Variants in DACH2 observed in about 807,000 individuals in gnomAD.
DACH2 encodes dachshund family transcription factor 2.
A neutral mutation model predicts 35.8 loss-of-function variants in DACH2; 17 were observed. The ratio of observed to expected loss-of-function variants is 0.48; its 90% confidence interval spans 0.33 to 0.71. The LOEUF (loss-of-function observed/expected upper bound fraction) is 0.71, where lower values mean the gene tolerates loss of function less well. Ranked by LOEUF, DACH2 falls within the 30% of genes least tolerant of loss-of-function variation. DACH2 has a pLI of 0.02. For synonymous variants in DACH2, 195 were observed against 177.3 expected, an observed-to-expected ratio of 1.10 and a Z score of -0.79; for missense variants, 469 against 472.7, an observed-to-expected ratio of 0.99 and a Z score of 0.07.
chrX:86,570,581 C>T (rs1453590228), intron 3 of DACH2, among the ~76,000 whole-genome samples: 1 of 110,045 alleles, frequency 9.1e-6, no homozygotes, highest in Non-Finnish European at 1.9e-5. Context: ...CACACTGGGG[C>T]CTGTTGGGGG....
intron 2 of DACH2, among the ~76,000 whole-genome samples, chrX:86,472,207 G>A (rs754319788): frequency 1.3e-4 from 15 of 111,483 alleles, no homozygotes; most frequent in Non-Finnish European, 2.3e-4. Context: ...TGTCTGGGTT[G>A]GCCCTTTGTA....
intron 3 of DACH2, among the ~76,000 whole-genome samples, chrX:86,589,977 A>T (rs1350695870): frequency 1.8e-5 from 2 of 111,822 alleles, no homozygotes; most frequent in Non-Finnish European, 3.8e-5. Flanking sequence ...GTATTGAAAG[A>T]TCAAAGAGAG....
chrX:86,337,005 A>C (rs1479302200), intron 1 of DACH2, among the ~76,000 whole-genome samples: 4 of 109,348 alleles, frequency 3.7e-5, no homozygotes, highest in African/African-American at 1.3e-4. Context: ...AATGAAATAA[A>C]GTGAGAAGAC....
intron 1 of DACH2, among the ~76,000 whole-genome samples, chrX:86,300,249 C>T (rs1277906154): frequency 9.0e-6 from 1 of 111,272 alleles, no homozygotes; most frequent in Non-Finnish European, 1.9e-5. Context: ...AAAAAAATTG[C>T]ATAATAGTGC....
intron 3 of DACH2, among the ~76,000 whole-genome samples, chrX:86,650,097 T>A (rs2040460969): frequency 9.0e-6 from 1 of 110,965 alleles, no homozygotes; most frequent in African/African-American, 3.3e-5. Context: ...TTTCCTTATA[T>A]ATGGTTGTGT....
chrX:86,776,762 A>G lies in DACH2; in HGVS notation c.1241-36094A>G, dbSNP rs987505320. Among the ~76,000 whole-genome samples the G allele has an allele frequency of 3.6e-5, 4 of 110,415 alleles. No individual in the cohort carries two copies. The Admixed American group carries it at 3.9e-4, about 11-fold the overall frequency. ...ATCCCTCCACCCCACAACAGGGCCC[A>G]GTGTGTGATGTTCCCCTTCCTGTGT... On this transcript the variant is annotated intron_variant, in intron 7 of 11. Coordinates refer to ENST00000373125, the MANE Select transcript of DACH2 (RefSeq NM_053281.3).
At chrX:86,433,249 C>T (rs191525470) in intron 2 of DACH2, among the ~76,000 whole-genome samples, 14 of 111,830 alleles carry the variant, frequency 1.3e-4, no homozygotes, top group Admixed American at 6.7e-4. Context: ...GAAGAAATAA[C>T]GTCAACCCTC....
chrX:86,547,167 T>G (rs1012775203), intron 3 of DACH2, among the ~76,000 whole-genome samples: 1 of 111,429 alleles, frequency 9.0e-6, no homozygotes, highest in South Asian at 3.8e-4. Context: ...CCCTTTGACA[T>G]GTCAGAGAGA....
intron 5 of DACH2, among the ~76,000 whole-genome samples, chrX:86,697,320 G>A (rs1205185821): frequency 6.3e-5 from 7 of 111,282 alleles, no homozygotes; most frequent in African/African-American, 2.0e-4. Context: ...AAGGAGGAGA[G>A]AAACAAGACT....
intron 2 of DACH2, among the ~76,000 whole-genome samples, chrX:86,450,535 A>C (rs1194896840): frequency 1.8e-5 from 2 of 111,117 alleles, no homozygotes; most frequent in Non-Finnish European, 3.8e-5. Flanking sequence ...ATGAACATAC[A>C]CATGCATGTA....
At chrX:86,312,605 G>T (rs1314993349) in intron 1 of DACH2, among the ~76,000 whole-genome samples, 7 of 111,839 alleles carry the variant, frequency 6.3e-5, no homozygotes, top group African/African-American at 2.3e-4. Flanking sequence ...CTGGTGTGCA[G>T]AATCTAATCA....
intron 1 of DACH2, among the ~76,000 whole-genome samples, chrX:86,371,664 C>T (rs2035888892): frequency 9.1e-6 from 1 of 110,119 alleles, no homozygotes; most frequent in Non-Finnish European, 1.9e-5. Context: ...TGATTAAATG[C>T]CTTTAAACCA....
chrX:86,702,322 G>C (rs938386802), intron 5 of DACH2, among the ~76,000 whole-genome samples: 4 of 111,118 alleles, frequency 3.6e-5, no homozygotes, highest in African/African-American at 6.5e-5. Flanking sequence ...ACATTGAAAA[G>C]TCTGAAAGGT....
chrX:86,697,120 G>C (rs1487129929), intron 5 of DACH2, among the ~76,000 whole-genome samples: 1 of 111,551 alleles, frequency 9.0e-6, no homozygotes, highest in African/African-American at 3.3e-5. Context: ...AATCACTTGT[G>C]AAAGTCACAG....
chrX:86,725,425 G>A (rs2041455683), intron 6 of DACH2, among the ~76,000 whole-genome samples: 1 of 111,717 alleles, frequency 9.0e-6, no homozygotes, highest in South Asian at 3.8e-4. Context: ...AATACACAGG[G>A]TCATTGGTAT....
intron 4 of DACH2, among the ~76,000 whole-genome samples, chrX:86,673,335 CAAAAAA>C (rs56877612): frequency 2.3e-5 from 1 of 43,197 alleles, no homozygotes; most frequent in African/African-American, 9.7e-5. Context: ...GACTCCGTCT[CAAAAAA>C]AAAAAAAAAA....
chrX:86,517,487 G>A (rs2038487350), intron 3 of DACH2, among the ~76,000 whole-genome samples: 1 of 107,009 alleles, frequency 9.3e-6, no homozygotes, highest in East Asian at 2.9e-4. Context: ...TGCAATCTCG[G>A]CTCACTGCAA....
intron 7 of DACH2, among the ~76,000 whole-genome samples, chrX:86,781,791 C>T (rs1376176505): frequency 1.8e-5 from 2 of 111,652 alleles, no homozygotes; most frequent in Non-Finnish European, 3.8e-5. Flanking sequence ...AGGATGCCCA[C>T]TTCACCATTG....
At chrX:86,580,500 A>G in intron 3 of DACH2, among the ~76,000 whole-genome samples, 1 of 112,063 alleles carries the variant, frequency 8.9e-6, no homozygotes, top group Middle Eastern at 4.6e-3. Flanking sequence ...ACAAAAAATA[A>G]CAGAGGAGAT....
Sources: allele counts gnomAD v4.1 joint callset (sites outside exome capture counted in the v4.1 genomes callset), GRCh38; gene constraint gnomAD v4.1.1; transcripts MANE v1.5; gene names NCBI Gene and HGNC (gene_info 2026-07-23, HGNC 2026-07-21).